The following AP4S1 variants were observed in gnomAD, a reference collection of about 807,000 sequenced individuals.
AP4S1 encodes AP-4 complex subunit sigma-1.
Under a neutral mutation model 19.8 loss-of-function variants are expected in AP4S1, and 23 were observed. That is an observed-to-expected ratio of 1.16 (90% confidence interval 0.84 to 1.65). AP4S1 has a LOEUF of 1.65. Ranked by LOEUF, AP4S1 falls within the 40% of genes most tolerant of loss-of-function variation. The pLI is 0.00. For synonymous variants in AP4S1, 46 were observed against 54.1 expected, an observed-to-expected ratio of 0.85 and a Z score of 0.66; for missense variants, 166 against 172.8, an observed-to-expected ratio of 0.96 and a Z score of 0.22.
intron 3 of AP4S1, among the ~76,000 whole-genome samples, chr14:31,071,077 AAG>A (rs1886973818): frequency 6.6e-6 from 1 of 152,122 alleles, no homozygotes. Context: ...GATATATCAA[AAG>A]CCAGAGAAAA....
chr14:31,025,829 G>C lies in AP4S1; in HGVS notation c.-72+42G>C, dbSNP rs1440217928. 5.2e-6 allele frequency: 8 copies of C among 1,537,710 alleles called. No individual in the cohort carries two copies. In the South Asian group the frequency reaches 7.2e-5, roughly 14 times the overall value. On this transcript the variant is annotated intron_variant, in intron 1 of 5. Coordinates refer to ENST00000542754, the MANE Select transcript of AP4S1 (RefSeq NM_001128126.3). ...CTCCCAAGGCGCCGGCTCCGGCTGA[G>C]TGGAGTCCCCAGCCCCACCCCCCGG...
upstream of AP4S1, chr14:31,025,535 G>A (rs949131497): frequency 1.1e-5 from 3 of 276,180 alleles, no homozygotes; most frequent in African/African-American, 6.8e-5. Context: ...GAACAAACAA[G>A]AGCAAACTCA....
chr14:31,049,429 ATATATATATATATATAT>A (rs1158944496), intron 1 of AP4S1, among the ~76,000 whole-genome samples: 11 of 35,892 alleles, frequency 3.1e-4, no homozygotes, highest in African/African-American at 1.1e-3. Flanking sequence ...AAAAAAAAAA[ATATATATATATATATAT>A]ATATATATAT....
intron 1 of AP4S1, among the ~76,000 whole-genome samples, chr14:31,041,670 A>G (rs527937327): frequency 4.3e-4 from 65 of 152,288 alleles, no homozygotes; most frequent in African/African-American, 1.5e-3. Context: ...GGATATTCTT[A>G]TGAATCCAAA....
chr14:31,047,343 G>A (rs1272839019), intron 1 of AP4S1, among the ~76,000 whole-genome samples: 2 of 151,656 alleles, frequency 1.3e-5, no homozygotes, highest in African/African-American at 2.4e-5. Context: ...GTGGGCAGGG[G>A]GAAGTTGTTT....
intron 1 of AP4S1, among the ~76,000 whole-genome samples, chr14:31,034,093 A>G (rs1391071701): frequency 6.6e-6 from 1 of 152,242 alleles, no homozygotes; most frequent in Non-Finnish European, 1.5e-5. Flanking sequence ...GCTAGGTAAT[A>G]ATTTAACAGG....
At chr14:31,080,773 C>A in intron 5 of AP4S1, 189 bp downstream of exon 5, 1 of 773,126 alleles carries the variant, frequency 1.3e-6, no homozygotes, top group Non-Finnish European at 2.3e-6. Flanking sequence ...CCTGCTTCAA[C>A]AAGGCGATTC....
chr14:31,093,379 A>T lies in AP4S1; in HGVS notation c.*344A>T, dbSNP rs1357231464. On this transcript the variant is annotated 3_prime_UTR_variant, in exon 6 of 6. Transcript: ENST00000542754. The stretch of plus-strand genomic sequence containing the variant: ...TCAGGAATAGCAGGATGGTAGTGGG[A>T]AGAAAGTATGGCAGTTTTCCGTCAG... 3 of 164,276 alleles carry T rather than the reference A, an allele frequency of 1.8e-5. No homozygotes were observed. The highest frequency in any genetic ancestry group is 3.9e-5 in the Non-Finnish European group (3 of 76,434). 10.2% of individuals were successfully genotyped at this position (164,276 alleles called of 1,614,324 possible). A position where few individuals can be genotyped will look rare whatever the true frequency, so the allele number is the denominator to read the frequency against.
chr14:31,049,429 ATATATATATATATATATAT>A (rs1885630482), intron 1 of AP4S1, among the ~76,000 whole-genome samples: 1 of 35,896 alleles, frequency 2.8e-5, no homozygotes. Flanking sequence ...AAAAAAAAAA[ATATATATATATATATATAT>A]ATATATATAT....
intron 1 of AP4S1, among the ~76,000 whole-genome samples, chr14:31,044,508 A>AT (rs923645705): frequency 5.5e-4 from 83 of 149,736 alleles, no homozygotes; most frequent in Admixed American, 1.2e-3. Context: ...TGCCAGGCTA[A>AT]TTTTTTTTTT....
At chr14:31,080,258 C>T (rs1887568421) in intron 4 of AP4S1, among the ~76,000 whole-genome samples, 1 of 152,220 alleles carries the variant, frequency 6.6e-6, no homozygotes, top group African/African-American at 2.4e-5. Context: ...GGGTGTGGCA[C>T]ATTGTTAAGA....
intron 5 of AP4S1, chr14:31,083,496 C>CTTTTGTTTTTTTTTTT (rs1887763022): frequency 5.4e-6 from 1 of 186,706 alleles, no homozygotes; most frequent in Non-Finnish European, 9.1e-6. Flanking sequence ...TGTTGACACT[C>CTTTTGTTTTTTTTTTT]TTTTTTTTTT....
chr14:31,028,153 G>A (rs1465178701), intron 1 of AP4S1, among the ~76,000 whole-genome samples: 2 of 151,256 alleles, frequency 1.3e-5, no homozygotes, highest in Non-Finnish European at 2.9e-5. Flanking sequence ...ATAATGTTAA[G>A]GACCATTTCT....
At chr14:31,040,761 A>G (rs1885060454) in intron 1 of AP4S1, among the ~76,000 whole-genome samples, 1 of 152,146 alleles carries the variant, frequency 6.6e-6, no homozygotes, top group Non-Finnish European at 1.5e-5. Context: ...GCTTTAGGTC[A>G]AGATCTGCGA....
intron 4 of AP4S1, among the ~76,000 whole-genome samples, chr14:31,076,763 G>C (rs1470199177): frequency 6.6e-6 from 1 of 151,826 alleles, no homozygotes; most frequent in Non-Finnish European, 1.5e-5. Context: ...TCTGTGTCTA[G>C]CCTTACATCA....
chr14:31,063,555 G>A (rs1886555138), intron 1 of AP4S1, among the ~76,000 whole-genome samples: 1 of 152,214 alleles, frequency 6.6e-6, no homozygotes, highest in East Asian at 1.9e-4. Flanking sequence ...AGGAGTTCAA[G>A]GCTATAGTGA....
At chr14:31,025,826 T>A in intron 1 of AP4S1, 39 bp downstream of exon 1, 1 of 1,534,128 alleles carries the variant, frequency 6.5e-7, no homozygotes, top group Non-Finnish European at 8.7e-7. Context: ...CGGCTCCGGC[T>A]GAGTGGAGTC....
intron 5 of AP4S1, among the ~76,000 whole-genome samples, chr14:31,082,874 C>G (rs541527758): frequency 6.8e-6 from 1 of 146,890 alleles, no homozygotes; most frequent in Non-Finnish European, 1.5e-5. Context: ...CCAGCCTGGG[C>G]GACAGAGCGA....
chr14:31,087,359 T>A (rs1887948544), intron 5 of AP4S1, among the ~76,000 whole-genome samples: 1 of 152,206 alleles, frequency 6.6e-6, no homozygotes, highest in Non-Finnish European at 1.5e-5. Flanking sequence ...TTTTTTTCTT[T>A]TTATTTTTCT....
Sources: allele counts gnomAD v4.1 joint callset (sites outside exome capture counted in the v4.1 genomes callset), GRCh38; gene constraint gnomAD v4.1.1; transcripts MANE v1.5; gene names NCBI Gene and HGNC (gene_info 2026-07-23, HGNC 2026-07-21).